PTPN14: variants seen among roughly 807,000 people sequenced by gnomAD.
The protein encoded by PTPN14 is tyrosine-protein phosphatase non-receptor type 14.
In PTPN14, 53 loss-of-function variants were observed where a neutral mutation model predicts 126.8. That is an observed-to-expected ratio of 0.42 (90% CI 0.34 to 0.53). PTPN14 has a LOEUF of 0.53. PTPN14 is among the 20% of genes least tolerant of loss of function. The pLI, the probability that PTPN14 is intolerant of heterozygous loss-of-function variation, is 0.08. For synonymous variants in PTPN14, 630 were observed against 599.3 expected (o/e 1.05, Z -0.75); for missense variants, 1,257 against 1,552.9 (o/e 0.81, Z 3.20).
intron 1 of PTPN14, among the ~76,000 whole-genome samples, chr1:214,510,339 GAC>G (rs1654943541): frequency 6.6e-6 from 1 of 152,178 alleles, no homozygotes; most frequent in Admixed American, 6.5e-5. Context: ...GCCAAAATGT[GAC>G]ACAGAGACTT....
intron 1 of PTPN14, among the ~76,000 whole-genome samples, chr1:214,512,164 C>T (rs925383439): frequency 2.6e-5 from 4 of 152,228 alleles, no homozygotes; most frequent in African/African-American, 9.6e-5. Context: ...GCCAGTGTTC[C>T]ATCTTGCCTT....
intron 1 of PTPN14, among the ~76,000 whole-genome samples, chr1:214,513,546 T>C (rs1655027547): frequency 6.6e-6 from 1 of 152,200 alleles, no homozygotes; most frequent in African/African-American, 2.4e-5. Context: ...CATTCTCTTC[T>C]TGGCCACAGT....
intron 1 of PTPN14, among the ~76,000 whole-genome samples, chr1:214,522,874 G>A (rs1009101272): frequency 1.3e-5 from 2 of 152,208 alleles, no homozygotes; most frequent in Non-Finnish European, 2.9e-5. Context: ...AATTGCAGGT[G>A]ATATCAATTA....
At chr1:214,412,971 G>A (rs1021337568) in intron 4 of PTPN14, among the ~76,000 whole-genome samples, 1 of 152,160 alleles carries the variant, frequency 6.6e-6, no homozygotes, top group Non-Finnish European at 1.5e-5. Flanking sequence ...CTGGACTCAG[G>A]CGATCCTCCC....
chr1:214,517,469 A>G (rs562068776), intron 1 of PTPN14, among the ~76,000 whole-genome samples: 52 of 149,514 alleles, frequency 3.5e-4, no homozygotes, highest in African/African-American at 1.3e-3. Context: ...AACTCACCAA[A>G]TTTAATGAGC....
At chr1:214,532,914 C>T in intron 1 of PTPN14, 1 of 905,920 alleles carries the variant, frequency 1.1e-6, no homozygotes, top group Non-Finnish European at 1.8e-6. Flanking sequence ...AGGACCTCGC[C>T]ACGATCATGG....
At chr1:214,538,676 C>T (rs1194906079) in intron 1 of PTPN14, among the ~76,000 whole-genome samples, 2 of 152,148 alleles carry the variant, frequency 1.3e-5, no homozygotes, top group African/African-American at 2.4e-5. Context: ...ATTTCTAAAG[C>T]TCTCAGTGGC....
At chr1:214,435,555 G>A (rs1659893036) in intron 3 of PTPN14, among the ~76,000 whole-genome samples, 1 of 151,724 alleles carries the variant, frequency 6.6e-6, no homozygotes, top group Admixed American at 6.6e-5. Context: ...AAATTAACAA[G>A]GAAAAAACAA....
chr1:214,509,748 T>A (rs891974267), intron 1 of PTPN14, among the ~76,000 whole-genome samples: 14 of 152,170 alleles, frequency 9.2e-5, no homozygotes, highest in Non-Finnish European at 2.1e-4. Flanking sequence ...CAAATGTCCA[T>A]CAATGATAGA....
intron 6 of PTPN14, among the ~76,000 whole-genome samples, chr1:214,402,437 C>CAAA (rs1165595746): frequency 0.12 from 5,550 of 47,872 alleles, 711 homozygotes; most frequent in Non-Finnish European, 0.16. Flanking sequence ...GAGACTCTGT[C>CAAA]AAAAAAAAAA....
chr1:214,497,281 A>C (rs1057484518), intron 1 of PTPN14, among the ~76,000 whole-genome samples: 1 of 152,230 alleles, frequency 6.6e-6, no homozygotes, highest in African/African-American at 2.4e-5. Context: ...CACAGCTAAG[A>C]AGCATATGAA....
At chr1:214,500,890 T>C (rs995748024) in intron 1 of PTPN14, among the ~76,000 whole-genome samples, 2 of 152,204 alleles carry the variant, frequency 1.3e-5, no homozygotes, top group South Asian at 4.1e-4. Context: ...CTTGGAAGGA[T>C]GGCTGTGAGC....
At chr1:214,469,508 C>G (rs1472440024) in intron 1 of PTPN14, among the ~76,000 whole-genome samples, 2 of 152,176 alleles carry the variant, frequency 1.3e-5, no homozygotes, top group Non-Finnish European at 1.5e-5. Flanking sequence ...GGGGCCCCAT[C>G]ATATTCATTT....
Position 214,376,451 on chromosome 1 carries a change from T to G in PTPN14, c.2689-14A>C. The G allele has an allele frequency of 6.3e-7, 1 of 1,592,134 alleles. No homozygotes were observed. The highest frequency in any genetic ancestry group is 8.6e-7 in the Non-Finnish European group (1 of 1,160,758). ...CAGGGTTCTGAACTGCAACAGAAAT[T>G]GATCTTCAGCTCTCTAAATTATCTG... On this transcript the variant is annotated splice_polypyrimidine_tract_variant and intron_variant, in intron 14 of 18. Transcript: ENST00000366956.
intron 1 of PTPN14, chr1:214,532,695 C>A: frequency 3.8e-6 from 3 of 799,514 alleles, no homozygotes; most frequent in Admixed American, 1.7e-5. Context: ...ATGAGACAGA[C>A]TCTCAGGCGC....
At chr1:214,426,931 C>A (rs1045446779) in intron 3 of PTPN14, among the ~76,000 whole-genome samples, 4 of 152,078 alleles carry the variant, frequency 2.6e-5, no homozygotes, top group Admixed American at 6.6e-5. Context: ...TATTCAAATT[C>A]TCTCTTTAAA....
At chr1:214,431,810 G>A (rs1193788606) in intron 3 of PTPN14, among the ~76,000 whole-genome samples, 10 of 152,158 alleles carry the variant, frequency 6.6e-5, no homozygotes. Flanking sequence ...GGCTAAATGG[G>A]TTAATATGGA....
chr1:214,540,247 A>C (rs1655804011), intron 1 of PTPN14, among the ~76,000 whole-genome samples: 1 of 152,196 alleles, frequency 6.6e-6, no homozygotes, highest in Non-Finnish European at 1.5e-5. Flanking sequence ...AGACTTGCTT[A>C]TGTGTCAAAA....
chr1:214,403,858 G>A (rs543539389), intron 5 of PTPN14, among the ~76,000 whole-genome samples: 5 of 152,322 alleles, frequency 3.3e-5, no homozygotes, highest in African/African-American at 9.6e-5. Flanking sequence ...TAGCTTTCCT[G>A]GGCAGCAGGT....
Sources: gnomAD v4.1 joint callset for allele counts (sites outside exome capture counted in the v4.1 genomes callset) on GRCh38, gnomAD v4.1.1 for gene constraint, MANE v1.5 for transcripts, NCBI Gene and HGNC (gene_info 2026-07-23, HGNC 2026-07-21) for gene names.